Variants in XG observed in about 807,000 individuals in gnomAD.
The protein encoded by XG is glycoprotein Xg.
In XG, 24 loss-of-function variants were observed where a neutral mutation model predicts 25.7. That is an observed-to-expected ratio of 0.93 (90% CI 0.68 to 1.31). The LOEUF is 1.31. XG is among the 40% of genes most tolerant of loss of function. The pLI, the probability that XG is intolerant of heterozygous loss-of-function variation, is 0.00. For synonymous variants in XG, 77 were observed against 69.2 expected, an observed-to-expected ratio of 1.11 and a Z score of -0.56; for missense variants, 181 against 187.6, an observed-to-expected ratio of 0.96 and a Z score of 0.21.
chrX:2,770,784 T>C (rs181387392), intron 2 of XG, among the ~76,000 whole-genome samples, 193 bp downstream of exon 2: 49 of 152,282 alleles, frequency 3.2e-4, no homozygotes, highest in Middle Eastern at 3.4e-3. Context: ...CAGACTCATT[T>C]CTTGGTAGGT....
At chrX:2,763,218 T>C (rs1469767978) in intron 1 of XG, among the ~76,000 whole-genome samples, 1 of 152,162 alleles carries the variant, frequency 6.6e-6, no homozygotes, top group Non-Finnish European at 1.5e-5. Context: ...TTCCCCATGT[T>C]GGCCAGTCTG....
intron 1 of XG, chrX:2,752,964 A>G (rs1400097043): frequency 4.1e-6 from 4 of 985,312 alleles, no homozygotes; most frequent in Non-Finnish European, 4.8e-6. Context: ...AGAAACTCCA[A>G]TGAACTCATA....
At chrX:2,778,764 C>A (rs975291992) in intron 3 of XG, among the ~76,000 whole-genome samples, 4 of 151,488 alleles carry the variant, frequency 2.6e-5, no homozygotes, top group African/African-American at 9.7e-5. Flanking sequence ...AAATCTCAAC[C>A]TCATGCGATA....
At chrX:2,795,561 ATG>A (rs2086877512) in intron 6 of XG, among the ~76,000 whole-genome samples, 1 of 109,681 alleles carries the variant, frequency 9.1e-6, no homozygotes, top group South Asian at 3.8e-4. Flanking sequence ...ATACTTTTAT[ATG>A]TGTTATGTAT....
intron 1 of XG, among the ~76,000 whole-genome samples, chrX:2,755,580 T>C (rs1032815340): frequency 6.6e-6 from 1 of 152,074 alleles, no homozygotes; most frequent in Non-Finnish European, 1.5e-5. Flanking sequence ...TGCAGCCCAG[T>C]AGGTTTCAGC....
intron 1 of XG, among the ~76,000 whole-genome samples, chrX:2,757,367 G>A (rs1407798313): frequency 1.3e-5 from 2 of 151,558 alleles, no homozygotes; most frequent in Non-Finnish European, 2.9e-5. Context: ...TTCCATTTAG[G>A]ACTACAGGTT....
Position 2,770,543 on chromosome X carries a change from C to T in XG, c.62-7C>T. The stretch of plus-strand genomic sequence containing the variant: ...GGGGTGACTTATGCCCTGTTTGCTC[C>T]CAATAGGTCAAAGAGACTTTGATTT... On this transcript the variant is annotated splice_polypyrimidine_tract_variant and splice_region_variant and intron_variant, in intron 1 of 10. Coordinates refer to ENST00000644266, the MANE Select transcript of XG (RefSeq NM_001141919.2). 6.2e-7 allele frequency: 1 copy of T among 1,613,828 alleles called. No individual in the cohort carries two copies. The highest frequency in any genetic ancestry group is 8.5e-7 in the Non-Finnish European group (1 of 1,179,850).
intron 9 of XG, chrX:2,808,538 C>G (rs1371501525): frequency 1.3e-6 from 1 of 751,389 alleles, no homozygotes; most frequent in Non-Finnish European, 1.6e-6. Context: ...TTTCTTTGAC[C>G]AGCACTAACT....
chrX:2,793,292 A>G (rs914311458), intron 5 of XG, among the ~76,000 whole-genome samples: 1 of 111,682 alleles, frequency 9.0e-6, no homozygotes, highest in Non-Finnish European at 1.9e-5. Context: ...CAAAGACCTA[A>G]TTACTTATCT....
At chrX:2,765,041 C>A (rs1423753910) in intron 1 of XG, among the ~76,000 whole-genome samples, 58 of 36,580 alleles carry the variant, frequency 1.6e-3, no homozygotes, top group Admixed American at 2.6e-3. Flanking sequence ...ATTCTTTATC[C>A]AAAAAAAAAA....
In XG at chrX:2,808,193, C is replaced by A. The variant is rs1331020573; in HGVS notation, c.427C>A (p.His143Asn). 8.3e-7 allele frequency: 1 copy of A among 1,211,198 alleles called. No individual in the cohort carries two copies. ...SRYGNTYGGD[H>N]HSTYGNPEGN... Reference sequence around the variant, plus strand: ...TCCTTTTCCGCTTACAGGTGGAGATCACCATTCAACGTATGGCAATCCAGA... The same window carrying A: ...TCCTTTTCCGCTTACAGGTGGAGATAACCATTCAACGTATGGCAATCCAGA... Residue 143 changes from histidine to asparagine, a missense_variant, in exon 9 of 11, where the codon CAC (histidine) becomes AAC (asparagine). His to Asn is a moderately conservative substitution (Grantham distance 68). Transcript: ENST00000644266.
intron 3 of XG, among the ~76,000 whole-genome samples, chrX:2,780,140 C>T (rs1320022219): frequency 1.3e-5 from 2 of 151,138 alleles, no homozygotes; most frequent in African/African-American, 2.4e-5. Context: ...TTATAGAGCA[C>T]AAACTGTGTA....
At chrX:2,757,199 TCTCTC>T (rs1471417311) in intron 1 of XG, among the ~76,000 whole-genome samples, 1 of 152,004 alleles carries the variant, frequency 6.6e-6, no homozygotes, top group Non-Finnish European at 1.5e-5. Flanking sequence ...TTCCTTCTCT[TCTCTC>T]CTTCTCTGCT....
At chrX:2,756,372 C>G (rs1203328212) in intron 1 of XG, among the ~76,000 whole-genome samples, 1 of 152,060 alleles carries the variant, frequency 6.6e-6, no homozygotes, top group Non-Finnish European at 1.5e-5. Context: ...AAGAAATAAG[C>G]ACTAGTGTTT....
chrX:2,801,105 G>C (rs2086932447), intron 7 of XG, among the ~76,000 whole-genome samples: 1 of 110,720 alleles, frequency 9.0e-6, no homozygotes, highest in African/African-American at 3.3e-5. Flanking sequence ...CTACTACCTA[G>C]GTAGACCTGA....
chrX:2,774,095 C>G (rs1236172920), intron 2 of XG, among the ~76,000 whole-genome samples: 3 of 152,118 alleles, frequency 2.0e-5, no homozygotes, highest in African/African-American at 4.8e-5. Context: ...GGTGTTTCCT[C>G]TGTTTGGAAG....
chrX:2,782,781 C>G (rs1270640460), intron 4 of XG, among the ~76,000 whole-genome samples: 1 of 111,863 alleles, frequency 8.9e-6, no homozygotes, highest in Non-Finnish European at 1.9e-5. Flanking sequence ...GAGGTTCAGA[C>G]TCTTGCAGCC....
chrX:2,782,805 G>C (rs1322393259), intron 4 of XG, among the ~76,000 whole-genome samples: 3 of 111,777 alleles, frequency 2.7e-5, no homozygotes, highest in South Asian at 3.8e-4. Context: ...GGCTGCACGA[G>C]CCCTAAAGTG....
chrX:2,755,458 C>G (rs984958938), intron 1 of XG, among the ~76,000 whole-genome samples: 1 of 152,132 alleles, frequency 6.6e-6, no homozygotes, highest in Non-Finnish European at 1.5e-5. Flanking sequence ...TTGGTGGGTT[C>G]TGGCCGGCTT....
Sources: gnomAD v4.1 joint callset for allele counts (sites outside exome capture counted in the v4.1 genomes callset) on GRCh38, gnomAD v4.1.1 for gene constraint, MANE v1.5 for transcripts, NCBI Gene and HGNC (gene_info 2026-07-23, HGNC 2026-07-21) for gene names.